The following ADAMTSL1 variants were observed in gnomAD, a reference collection of about 807,000 sequenced individuals.
ADAMTSL1 encodes ADAMTS like 1, also known as ADAMTS-like protein 1.
ADAMTSL1 carries 126 observed loss-of-function variants against 201.8 expected under a neutral mutation model. The observed-to-expected ratio is 0.62, with a 90% CI of 0.54 to 0.72. ADAMTSL1 has a LOEUF of 0.72. Among genes scored for constraint, ADAMTSL1 ranks in the 30% least tolerant of loss-of-function variants. The pLI is 0.00. For missense variants in ADAMTSL1, 2,679 were observed against 2,277.8 expected (o/e 1.18, Z -3.59); for synonymous variants, 1,121 against 903.4 (o/e 1.24, Z -4.32).
chr9:18,250,423 C>A (rs1468129402), intron 2 of ADAMTSL1, among the ~76,000 whole-genome samples: 1 of 152,170 alleles, frequency 6.6e-6, no homozygotes, highest in Non-Finnish European at 1.5e-5. Context: ...CTCTTGAGAT[C>A]AATGGGGAAT....
chr9:18,764,060 C>A (rs533847827), intron 16 of ADAMTSL1, among the ~76,000 whole-genome samples: 46 of 152,144 alleles, frequency 3.0e-4, no homozygotes, highest in Non-Finnish European at 6.2e-4. Context: ...ACAGGGATTG[C>A]ACTGAATCTG....
chr9:18,318,276 A>G (rs1029155530), intron 2 of ADAMTSL1, among the ~76,000 whole-genome samples: 2 of 152,196 alleles, frequency 1.3e-5, no homozygotes, highest in African/African-American at 4.8e-5. Flanking sequence ...GAGTGGCCCC[A>G]AAGTATGCTT....
chr9:18,747,763 A>C (rs6475242), intron 15 of ADAMTSL1, among the ~76,000 whole-genome samples: 3 of 151,950 alleles, frequency 2.0e-5, no homozygotes, highest in Admixed American at 2.0e-4. Flanking sequence ...ATGCATGGCT[A>C]AGGGTGCTCT....
intron 15 of ADAMTSL1, among the ~76,000 whole-genome samples, chr9:18,747,431 T>C (rs1395993200): frequency 6.6e-6 from 1 of 151,918 alleles, no homozygotes; most frequent in East Asian, 1.9e-4. Flanking sequence ...GGTCCCATGA[T>C]AAGAAGCAGC....
At chr9:18,007,413 A>G (rs925001162) in intron 1 of ADAMTSL1, among the ~76,000 whole-genome samples, 13 of 152,038 alleles carry the variant, frequency 8.6e-5, no homozygotes, top group African/African-American at 2.9e-4. Context: ...TTCAGGTGTC[A>G]TACTACCATA....
intron 19 of ADAMTSL1, among the ~76,000 whole-genome samples, chr9:18,788,956 G>A (rs1821868693): frequency 6.6e-6 from 1 of 151,934 alleles, no homozygotes; most frequent in Non-Finnish European, 1.5e-5. Context: ...CTTATTCAGA[G>A]ATTCCTGAGT....
At chr9:18,592,598 A>T (rs889960340) in intron 4 of ADAMTSL1, among the ~76,000 whole-genome samples, 10 of 152,150 alleles carry the variant, frequency 6.6e-5, no homozygotes, top group African/African-American at 2.4e-4. Flanking sequence ...AAAACTTCTC[A>T]GTACCATGCT....
At chr9:18,269,838 C>T (rs1377976948) in intron 2 of ADAMTSL1, among the ~76,000 whole-genome samples, 1 of 113,380 alleles carries the variant, frequency 8.8e-6, no homozygotes, top group African/African-American at 3.5e-5. Flanking sequence ...TTTGTTTCCT[C>T]TTCATCCTTT....
intron 15 of ADAMTSL1, among the ~76,000 whole-genome samples, chr9:18,734,217 T>C (rs1818383532): frequency 6.6e-6 from 1 of 152,188 alleles, no homozygotes; most frequent in Non-Finnish European, 1.5e-5. Flanking sequence ...TGAATGGTAA[T>C]AGAGATTAGT....
intron 4 of ADAMTSL1, among the ~76,000 whole-genome samples, chr9:18,584,438 T>C (rs1488783417): frequency 2.0e-5 from 3 of 152,080 alleles, no homozygotes; most frequent in African/African-American, 4.8e-5. Flanking sequence ...GTCTCAGGTA[T>C]GTCTTTATCA....
intron 1 of ADAMTSL1, among the ~76,000 whole-genome samples, chr9:18,140,702 T>C (rs1401028213): frequency 1.3e-5 from 2 of 152,184 alleles, no homozygotes; most frequent in East Asian, 3.9e-4. Context: ...GGTGGGAGCA[T>C]GCCTGAAATC....
At chr9:18,403,389 G>C (rs2133276476) in intron 2 of ADAMTSL1, among the ~76,000 whole-genome samples, 1 of 152,000 alleles carries the variant, frequency 6.6e-6, no homozygotes, top group South Asian at 2.1e-4. Flanking sequence ...TCACCATATT[G>C]GCCAGCCTGG....
chr9:18,085,601 T>C (rs1355400962), intron 1 of ADAMTSL1, among the ~76,000 whole-genome samples: 5 of 144,134 alleles, frequency 3.5e-5, no homozygotes, highest in South Asian at 2.1e-4. Context: ...TATACGTATA[T>C]ACACTGTGTG....
intron 2 of ADAMTSL1, among the ~76,000 whole-genome samples, chr9:18,273,213 G>T (rs1336012335): frequency 6.6e-6 from 1 of 152,160 alleles, no homozygotes; most frequent in Non-Finnish European, 1.5e-5. Context: ...CCAAGTAGCA[G>T]GGACTACAGG....
intron 2 of ADAMTSL1, among the ~76,000 whole-genome samples, chr9:18,196,421 G>C (rs565002076): frequency 1.3e-5 from 2 of 151,978 alleles, no homozygotes; most frequent in Non-Finnish European, 2.9e-5. Flanking sequence ...ATATATTCAG[G>C]CTTAATTGTA....
chr9:18,505,548 C>T (rs920017916), intron 2 of ADAMTSL1, among the ~76,000 whole-genome samples: 7 of 152,274 alleles, frequency 4.6e-5, no homozygotes, highest in South Asian at 2.1e-4. Context: ...TGGCTAATGA[C>T]ATCTAAGCTA....
chr9:18,025,243 T>C (rs1239181487), intron 1 of ADAMTSL1, among the ~76,000 whole-genome samples: 1 of 152,130 alleles, frequency 6.6e-6, no homozygotes, highest in Non-Finnish European at 1.5e-5. Flanking sequence ...TCTTTTGCTG[T>C]GTAAAAGCTT....
rs1826012650 is a variant in ADAMTSL1, at chr9:18,621,140, ATTGAAATAGTTT to A, written c.475-1102_475-1091del. On this transcript the variant is annotated intron_variant, in intron 4 of 28. Transcript: ENST00000380548. ...TTATTTTATTTTGTCAAAGAGAGTA[ATTGAAATAGTTT>A]GGGAGTAGAATAAATCTTTCCATAT... Among the ~76,000 whole-genome samples, 3 of 152,322 alleles carry A rather than the reference ATTGAAATAGTTT, an allele frequency of 2.0e-5. No homozygotes were observed. The South Asian group carries it at 6.2e-4, about 32-fold the overall frequency.
intron 2 of ADAMTSL1, among the ~76,000 whole-genome samples, chr9:18,522,999 C>T (rs1818797143): frequency 6.6e-6 from 1 of 152,106 alleles, no homozygotes; most frequent in Admixed American, 6.5e-5. Context: ...AGTTCTAGAT[C>T]CTTGAGGAAT....
Sources: gnomAD v4.1 joint callset for allele counts (sites outside exome capture counted in the v4.1 genomes callset) on GRCh38, gnomAD v4.1.1 for gene constraint, MANE v1.5 for transcripts, NCBI Gene and HGNC (gene_info 2026-07-23, HGNC 2026-07-21) for gene names.